The following STXBP5L variants were observed in gnomAD, a reference collection of about 807,000 sequenced individuals.
STXBP5L encodes syntaxin-binding protein 5-like.
A neutral mutation model predicts 144.5 loss-of-function variants in STXBP5L; 65 were observed. The observed-to-expected ratio is 0.45, with a 90% CI of 0.37 to 0.55. STXBP5L has a LOEUF of 0.55. Ranked by LOEUF, STXBP5L falls within the 20% of genes least tolerant of loss-of-function variation. The pLI is 0.00. For synonymous variants in STXBP5L, 505 were observed against 469.6 expected (o/e 1.08, Z -0.97); for missense variants, 1,298 against 1,405.5 (o/e 0.92, Z 1.22).
chr3:121,363,619 C>T (rs959915217), intron 20 of STXBP5L, among the ~76,000 whole-genome samples: 1 of 152,178 alleles, frequency 6.6e-6, no homozygotes, highest in Non-Finnish European at 1.5e-5. Flanking sequence ...ACCACATCAC[C>T]ACTACCAAAA....
intron 3 of STXBP5L, among the ~76,000 whole-genome samples, chr3:120,962,236 T>C (rs1023397909): frequency 1.3e-5 from 2 of 152,168 alleles, no homozygotes; most frequent in South Asian, 4.1e-4. Flanking sequence ...TGCCTGTTCA[T>C]TCTGATGGTA....
intron 3 of STXBP5L, among the ~76,000 whole-genome samples, chr3:121,027,840 T>G (rs1946064566): frequency 6.6e-6 from 1 of 152,064 alleles, no homozygotes; most frequent in South Asian, 2.1e-4. Flanking sequence ...GGCTGGTGCA[T>G]TATTCTACCT....
chr3:121,383,312 T>C (rs912166057), intron 22 of STXBP5L, among the ~76,000 whole-genome samples: 1 of 151,758 alleles, frequency 6.6e-6, no homozygotes, highest in Non-Finnish European at 1.5e-5. Context: ...GGTGTGTGTG[T>C]GCCTGAGCCA....
At chr3:121,320,701 C>CTT (rs533248342) in intron 20 of STXBP5L, among the ~76,000 whole-genome samples, 16 of 134,874 alleles carry the variant, frequency 1.2e-4, no homozygotes, top group South Asian at 2.4e-4. Context: ...AACGACCACA[C>CTT]TTTTTTTTTT....
chr3:121,418,350 G>C lies in STXBP5L; in HGVS notation c.3240G>C (p.Ser1080=), dbSNP rs751191295. The C allele has an allele frequency of 4.3e-6, 7 of 1,612,984 alleles. No individual in the cohort carries two copies. The highest frequency in any genetic ancestry group is 5.1e-6 in the Non-Finnish European group (6 of 1,179,450). Reference sequence around the variant, plus strand: ...ATATATTCTCAGTTGGGGAAGCTTCGGCAGGAAAAGCATCCCGCAGCCTTG... The same window carrying C: ...ATATATTCTCAGTTGGGGAAGCTTCCGCAGGAAAAGCATCCCGCAGCCTTG... ...FDREELFGEA[S]AGKASRSLAQ... is the part of the protein sequence containing the mutation. Residue 1080 remains serine (S), a synonymous_variant, in exon 26 of 27, where the codon TCG becomes TCC. Transcript: ENST00000471454.
At chr3:121,142,084 A>G (rs1467865420) in intron 7 of STXBP5L, among the ~76,000 whole-genome samples, 1 of 152,146 alleles carries the variant, frequency 6.6e-6, no homozygotes, top group Non-Finnish European at 1.5e-5. Flanking sequence ...ATGATAATTT[A>G]TGCAAATAGT....
chr3:121,242,514 G>T (rs1404360200), intron 14 of STXBP5L, among the ~76,000 whole-genome samples: 1 of 152,024 alleles, frequency 6.6e-6, no homozygotes, highest in African/African-American at 2.4e-5. Flanking sequence ...ATTATGCAGA[G>T]GTACACTTAA....
chr3:121,418,660 G>A (rs2108758528), intron 26 of STXBP5L, 103 bp downstream of exon 26: 1 of 1,091,044 alleles, frequency 9.2e-7, no homozygotes, highest in Non-Finnish European at 1.3e-6. Context: ...AAGTAATCCT[G>A]TATGAGAATC....
At chr3:121,272,826 A>G (rs1279453699) in intron 18 of STXBP5L, among the ~76,000 whole-genome samples, 1 of 152,020 alleles carries the variant, frequency 6.6e-6, no homozygotes, top group Non-Finnish European at 1.5e-5. Flanking sequence ...GGAACATCTT[A>G]TACTTAATAA....
intron 11 of STXBP5L, among the ~76,000 whole-genome samples, chr3:121,229,288 C>T (rs1021966326): frequency 7.9e-5 from 12 of 152,162 alleles, no homozygotes; most frequent in African/African-American, 2.4e-5. Flanking sequence ...TATCTTGTTT[C>T]TATTTCCTTC....
intron 3 of STXBP5L, among the ~76,000 whole-genome samples, chr3:120,973,917 A>C (rs893680458): frequency 6.6e-6 from 1 of 152,182 alleles, no homozygotes; most frequent in Non-Finnish European, 1.5e-5. Context: ...TATATATGCC[A>C]CATTTTCTTA....
chr3:121,317,864 A>G (rs2108529406), intron 19 of STXBP5L, among the ~76,000 whole-genome samples: 1 of 152,186 alleles, frequency 6.6e-6, no homozygotes, highest in Non-Finnish European at 1.5e-5. Context: ...TATGTAATAT[A>G]CAATACTACA....
intron 5 of STXBP5L, among the ~76,000 whole-genome samples, chr3:121,078,654 G>T (rs1328450767): frequency 6.6e-6 from 1 of 151,918 alleles, no homozygotes; most frequent in African/African-American, 2.4e-5. Context: ...ATGGCCAGCT[G>T]CAGGTTCTGA....
At chr3:120,967,213 C>G (rs1057480220) in intron 3 of STXBP5L, among the ~76,000 whole-genome samples, 42 of 152,148 alleles carry the variant, frequency 2.8e-4, no homozygotes, top group African/African-American at 9.7e-4. Flanking sequence ...CACCGCTTCC[C>G]TTGGCTAGGA....
At chr3:121,093,213 G>A (rs1046602489) in intron 5 of STXBP5L, among the ~76,000 whole-genome samples, 2 of 152,176 alleles carry the variant, frequency 1.3e-5, no homozygotes, top group Admixed American at 1.3e-4. Context: ...TGTTCATCAA[G>A]GACATTGGTC....
intron 9 of STXBP5L, among the ~76,000 whole-genome samples, chr3:121,163,990 A>G (rs2046412086): frequency 6.6e-6 from 1 of 152,168 alleles, no homozygotes; most frequent in African/African-American, 2.4e-5. Flanking sequence ...ATAAGCTTCA[A>G]TGATTTTTTA....
At chr3:121,340,022 C>A (rs1231536060) in intron 20 of STXBP5L, among the ~76,000 whole-genome samples, 1 of 151,870 alleles carries the variant, frequency 6.6e-6, no homozygotes, top group East Asian at 1.9e-4. Flanking sequence ...ATCAAAATAC[C>A]AAATTATTTT....
chr3:120,929,134 G>T (rs191897671), intron 2 of STXBP5L, among the ~76,000 whole-genome samples: 10 of 152,300 alleles, frequency 6.6e-5, no homozygotes, highest in African/African-American at 2.2e-4. Flanking sequence ...TCTCTAGTCA[G>T]TATTGAGTTG....
chr3:121,101,709 CATA>C (rs1414472004), intron 5 of STXBP5L, among the ~76,000 whole-genome samples: 1 of 151,838 alleles, frequency 6.6e-6, no homozygotes, highest in Non-Finnish European at 1.5e-5. Context: ...TCTTATTCAA[CATA>C]GTACTGGAAG....
Sources: gnomAD v4.1 joint callset for allele counts (sites outside exome capture counted in the v4.1 genomes callset) on GRCh38, gnomAD v4.1.1 for gene constraint, MANE v1.5 for transcripts, NCBI Gene and HGNC (gene_info 2026-07-23, HGNC 2026-07-21) for gene names.